The following WWC2 variants were observed in gnomAD, a reference collection of about 807,000 sequenced individuals.
WWC2 encodes protein WWC2.
Under a neutral mutation model 138.5 loss-of-function variants are expected in WWC2, and 101 were observed. The ratio of observed to expected loss-of-function variants is 0.73; its 90% confidence interval spans 0.62 to 0.86. The LOEUF (loss-of-function observed/expected upper bound fraction) is 0.86. Among genes scored for constraint, WWC2 ranks in the 40% least tolerant of loss-of-function variants. WWC2 has a pLI of 0.00. For synonymous variants in WWC2, 558 were observed against 538.4 expected (o/e 1.04, Z -0.50); for missense variants, 1,420 against 1,419.4 (o/e 1.00, Z -0.01).
chr4:183,141,028 G>A (rs1012396690), intron 1 of WWC2, among the ~76,000 whole-genome samples: 3 of 152,154 alleles, frequency 2.0e-5, no homozygotes, highest in East Asian at 1.9e-4. Flanking sequence ...AGAAAAATTC[G>A]TGGGAAACCA....
At chr4:183,249,690 G>T (rs559384861) in intron 7 of WWC2, among the ~76,000 whole-genome samples, 1 of 152,098 alleles carries the variant, frequency 6.6e-6, no homozygotes, top group Non-Finnish European at 1.5e-5. Context: ...TGAATTTAAC[G>T]TGTAGAGAAA....
At chr4:183,122,561 G>T (rs1338837086) in intron 1 of WWC2, among the ~76,000 whole-genome samples, 3 of 152,054 alleles carry the variant, frequency 2.0e-5, no homozygotes, top group African/African-American at 2.4e-5. Flanking sequence ...TTACTCTGTT[G>T]CCCAGGCTGG....
intron 1 of WWC2, among the ~76,000 whole-genome samples, chr4:183,175,591 C>CT (rs1166490874): frequency 6.6e-6 from 1 of 152,104 alleles, no homozygotes; most frequent in Non-Finnish European, 1.5e-5. Context: ...CTTTTTTTGC[C>CT]TTAAAAATTG....
chr4:183,122,721 G>A (rs1732639526), intron 1 of WWC2, among the ~76,000 whole-genome samples: 1 of 152,050 alleles, frequency 6.6e-6, no homozygotes, highest in South Asian at 2.1e-4. Context: ...GTTTTGCCAT[G>A]TTGGTCAGGC....
Position 183,254,009 on chromosome 4 carries a change from C to G in WWC2, c.1196+10C>G, listed in dbSNP as rs368862198. ...GAGCTCTGGCCGAGAGGTTTGTTTT[C>G]CTTCTGGAAATAGGGCAGCTTAACT... On this transcript the variant is annotated intron_variant, in intron 9 of 22. Coordinates refer to ENST00000403733, the MANE Select transcript of WWC2 (RefSeq NM_024949.6). 9 of 1,609,904 alleles carry G rather than the reference C, an allele frequency of 5.6e-6. No individual in the cohort carries two copies. The highest frequency in any genetic ancestry group is 7.6e-6 in the Non-Finnish European group (9 of 1,178,236).
chr4:183,264,605 G>A (rs528263807), intron 11 of WWC2, among the ~76,000 whole-genome samples: 1 of 152,198 alleles, frequency 6.6e-6, no homozygotes, highest in Non-Finnish European at 1.5e-5. Context: ...AGCTCTCTCT[G>A]TGATAGAAAT....
intron 21 of WWC2, among the ~76,000 whole-genome samples, chr4:183,290,194 A>G (rs1216624533): frequency 6.6e-6 from 1 of 152,102 alleles, no homozygotes; most frequent in Admixed American, 6.6e-5. Flanking sequence ...TAGGTATACT[A>G]AAAAAAGATG....
chr4:183,189,160 C>T (rs1050898443), intron 1 of WWC2, among the ~76,000 whole-genome samples: 4 of 151,866 alleles, frequency 2.6e-5, no homozygotes, highest in South Asian at 2.1e-4. Flanking sequence ...GTTGGCCAGG[C>T]GCAGTGGCTC....
chr4:183,111,691 C>G (rs1732236255), intron 1 of WWC2, among the ~76,000 whole-genome samples: 1 of 150,400 alleles, frequency 6.6e-6, no homozygotes. Flanking sequence ...CATTTACTTT[C>G]TGTTTTGTTT....
chr4:183,246,006 G>A (rs1341618808), intron 6 of WWC2, among the ~76,000 whole-genome samples: 1 of 152,162 alleles, frequency 6.6e-6, no homozygotes, highest in East Asian at 1.9e-4. Context: ...TTGATTCTGG[G>A]GTGCCAGCTA....
At chr4:183,313,512 T>C (rs1224216298) in intron 22 of WWC2, among the ~76,000 whole-genome samples, 1 of 151,920 alleles carries the variant, frequency 6.6e-6, no homozygotes, top group Non-Finnish European at 1.5e-5. Context: ...ACCTCTGCCA[T>C]GGCACACCAG....
At chr4:183,120,987 C>T (rs561978455) in intron 1 of WWC2, among the ~76,000 whole-genome samples, 3 of 152,094 alleles carry the variant, frequency 2.0e-5, no homozygotes, top group Non-Finnish European at 2.9e-5. Context: ...CTTTGGGAGG[C>T]CGGCAGATCA....
chr4:183,273,434 A>G (rs1210952335), intron 16 of WWC2, among the ~76,000 whole-genome samples: 1 of 152,056 alleles, frequency 6.6e-6, no homozygotes, highest in African/African-American at 2.4e-5. Context: ...CCTCCCGAGT[A>G]GCTGGGATTA....
At chr4:183,302,812 C>A (rs779415037) in intron 21 of WWC2, among the ~76,000 whole-genome samples, 1 of 152,116 alleles carries the variant, frequency 6.6e-6, no homozygotes, top group African/African-American at 2.4e-5. Flanking sequence ...GCCTGTAATT[C>A]CAGCATTGTG....
In WWC2 at chr4:183,119,282, C is replaced by T. The variant is rs552784384; in HGVS notation, c.131+19660C>T. On this transcript the variant is annotated intron_variant, in intron 1 of 22. Coordinates refer to ENST00000403733, the MANE Select transcript of WWC2 (RefSeq NM_024949.6). ...GAATTTGGCTGGACTACAGAAGTTACTTCTCCAGTTAAAGGCATGGAGTCT... is the reference window on the plus strand; with the variant it reads ...GAATTTGGCTGGACTACAGAAGTTATTTCTCCAGTTAAAGGCATGGAGTCT... Among the ~76,000 whole-genome samples the T allele has an allele frequency of 7.0e-4, 106 of 152,278 alleles. 1 individual carries two copies. The highest frequency in any genetic ancestry group is 2.6e-3 in the African/African-American group (106 of 41,556).
chr4:183,302,789 T>G (rs1310780953), intron 21 of WWC2, among the ~76,000 whole-genome samples: 1 of 152,134 alleles, frequency 6.6e-6, no homozygotes, highest in Non-Finnish European at 1.5e-5. Flanking sequence ...AGAGGCTGGG[T>G]GCATTGGCTT....
At chr4:183,299,706 C>T (rs1738760504) in intron 21 of WWC2, among the ~76,000 whole-genome samples, 1 of 152,174 alleles carries the variant, frequency 6.6e-6, no homozygotes, top group South Asian at 2.1e-4. Flanking sequence ...CACCTGCACA[C>T]ATGGCACACA....
rs748789745 is a variant in WWC2, at chr4:183,208,175, T to C, written c.445+19T>C. ...ACAAGCTGTAAGTACAGTGTGGCTA[T>C]TCAGACTTTGGAAGTGGAGACTGAA... On this transcript the variant is annotated intron_variant, in intron 3 of 22. Coordinates refer to ENST00000403733, the MANE Select transcript of WWC2 (RefSeq NM_024949.6). The C allele has an allele frequency of 2.5e-6, 4 of 1,611,954 alleles. No individual in the cohort carries two copies. In the African/African-American group the frequency reaches 4.0e-5, roughly 16 times the overall value.
chr4:183,148,315 A>C lies in WWC2; in HGVS notation c.132-45284A>C, dbSNP rs145212122. ...GCTGATGAATAGTGAATTTTAGTAA[A>C]CTTGGTCTAGGAAGCTTGTTTAACC... is the stretch of plus-strand genomic sequence containing the variant. On this transcript the variant is annotated intron_variant, in intron 1 of 22. Coordinates refer to ENST00000403733, the MANE Select transcript of WWC2 (RefSeq NM_024949.6). 7.2e-3 allele frequency among the ~76,000 whole-genome samples: 1,091 copies of C among 152,296 alleles called. 18 individuals are homozygous for C. Among genetic ancestry groups the C allele is most frequent in the African/African-American group, 0.023 (959 of 41,570 alleles).
Sources: allele counts gnomAD v4.1 joint callset (sites outside exome capture counted in the v4.1 genomes callset), GRCh38; gene constraint gnomAD v4.1.1; transcripts MANE v1.5; gene names NCBI Gene and HGNC (gene_info 2026-07-23, HGNC 2026-07-21).